RGS22: variants seen among roughly 807,000 people sequenced by gnomAD.
RGS22 encodes the protein regulator of G-protein signaling 22.
RGS22 carries 148 observed loss-of-function variants against 172.9 expected under a neutral mutation model. The observed-to-expected ratio is 0.86, with a 90% confidence interval of 0.75 to 0.98. RGS22 has a LOEUF of 0.98. Ranked by LOEUF, RGS22 falls within the 50% of genes least tolerant of loss-of-function variation. RGS22 has a pLI of 0.00. For synonymous variants in RGS22, 458 were observed against 480.2 expected (o/e 0.95, Z 0.60); for missense variants, 1,347 against 1,440.8 (o/e 0.93, Z 1.05).
Position 100,095,938 on chromosome 8 carries a change from C to T in RGS22, c.55-2429G>A, listed in dbSNP as rs189934719. Among the ~76,000 whole-genome samples the T allele has an allele frequency of 1.2e-3, 176 of 152,308 alleles. 1 individual carries two copies. Among genetic ancestry groups the T allele is most frequent in the Middle Eastern group, 3.4e-3 (1 of 294 alleles). ...GGGAAATAAGTGTTGCCTGCAAGTG[C>T]GATCTGCTCAACCCACATCTGGCAC... On this transcript the variant is annotated intron_variant, in intron 2 of 27. Coordinates refer to ENST00000360863, the MANE Select transcript of RGS22 (RefSeq NM_015668.5).
intron 2 of RGS22, among the ~76,000 whole-genome samples, chr8:100,104,721 G>A (rs1813787246): frequency 6.6e-6 from 1 of 152,184 alleles, no homozygotes; most frequent in Non-Finnish European, 1.5e-5. Flanking sequence ...AGTGCTGGAA[G>A]ACATAAATAA....
At position 100,014,004 on chromosome 8, in the gene RGS22, C is replaced by T. The variant is rs151256719; in HGVS notation, c.2167-5435G>A. Among the ~76,000 whole-genome samples, 371 of 152,290 alleles carry T rather than the reference C, an allele frequency of 2.4e-3. 1 individual carries two copies. Among genetic ancestry groups the T allele is most frequent in the African/African-American group, 8.6e-3 (358 of 41,552 alleles). Reference sequence around the variant, plus strand: ...TGCTTATTTCTAATCAATGCCATTTCCCATTTTAAAACTGCCATCCTCTTT... The same window carrying T: ...TGCTTATTTCTAATCAATGCCATTTTCCATTTTAAAACTGCCATCCTCTTT... On this transcript the variant is annotated intron_variant, in intron 14 of 27. Transcript: ENST00000360863.
chr8:99,996,577 C>A (rs770492628), intron 19 of RGS22, 47 bp from the exon 20 acceptor site: 4 of 1,459,984 alleles, frequency 2.7e-6, no homozygotes, highest in Middle Eastern at 3.5e-4. Flanking sequence ...AGACTAAAGG[C>A]TTGAAATCAT....
Position 100,063,781 on chromosome 8 carries a change from C to CT in RGS22, c.986dup (p.Gln330AlafsTer25). ...CTCCAACTGGCTTTCCAACAATTTG[C>CT]TGAATTGCTCCTCTCAAAATAAAGT... On this transcript the variant is annotated frameshift_variant, in exon 8 of 28. Transcript: ENST00000360863. LOFTEE classifies it high-confidence loss of function. 1 of 1,614,042 alleles carries CT rather than the reference C, an allele frequency of 6.2e-7. No individual in the cohort carries two copies. Among genetic ancestry groups the CT allele is most frequent in the Non-Finnish European group, 8.5e-7 (1 of 1,179,996 alleles).
chr8:100,100,267 T>A (rs3133664), intron 2 of RGS22, among the ~76,000 whole-genome samples: 24,434 of 151,438 alleles, frequency 0.16, 2,641 homozygotes, highest in African/African-American at 0.3. Flanking sequence ...TATCCTATAT[T>A]TTTAAAGTTT....
At chr8:100,015,431 C>T (rs1169036323) in intron 14 of RGS22, among the ~76,000 whole-genome samples, 4 of 151,906 alleles carry the variant, frequency 2.6e-5, no homozygotes, top group Non-Finnish European at 5.9e-5. Context: ...TAGCTGGGAC[C>T]ACAGGCATTC....
At chr8:99,993,479 A>G (rs115023178) in intron 20 of RGS22, among the ~76,000 whole-genome samples, 1,808 of 152,326 alleles carry the variant, frequency 0.012, 33 homozygotes, top group African/African-American at 0.041. Context: ...AGAGAATACT[A>G]TAAACAACTC....
At chr8:100,104,528 G>C (rs1462615147) in intron 2 of RGS22, among the ~76,000 whole-genome samples, 1 of 152,034 alleles carries the variant, frequency 6.6e-6, no homozygotes, top group Admixed American at 6.6e-5. Flanking sequence ...GCTCTGGAAA[G>C]GTGAATGTGA....
intron 2 of RGS22, among the ~76,000 whole-genome samples, chr8:100,100,793 A>G (rs1215863169): frequency 6.6e-6 from 1 of 152,252 alleles, no homozygotes; most frequent in African/African-American, 2.4e-5. Flanking sequence ...GTTAAAAATG[A>G]ATACCACTTT....
chr8:99,976,209 A>G (rs1811913282), intron 23 of RGS22, among the ~76,000 whole-genome samples: 1 of 152,186 alleles, frequency 6.6e-6, no homozygotes, highest in Admixed American at 6.5e-5. Flanking sequence ...AATAAAAAAA[A>G]TAAAAATAAA....
At chr8:100,023,813 G>T (rs1469862347) in intron 14 of RGS22, among the ~76,000 whole-genome samples, 1 of 152,108 alleles carries the variant, frequency 6.6e-6, no homozygotes, top group Non-Finnish European at 1.5e-5. Context: ...TCTCTAGTCA[G>T]CTGCTCATAT....
At position 100,004,023 on chromosome 8, in the gene RGS22, C is replaced by T. The variant is rs146190924; in HGVS notation, c.2530G>A (p.Val844Ile). 1,043 of 1,612,514 alleles carry T rather than the reference C, an allele frequency of 6.5e-4. 13 individuals are homozygous for T. The East Asian group carries it at 0.014, about 21-fold the overall frequency. The change falls in exon 17 of 28, where the codon GTT (valine) becomes ATT (isoleucine). Residue 844 changes from valine (V) to isoleucine (I), a missense_variant. Coordinates refer to ENST00000360863, the MANE Select transcript of RGS22 (RefSeq NM_015668.5). Reference sequence around the variant, plus strand: ...TTAAAATGCTTGTATTCTGCAGGAACATTATCCCAATATTCTGTTCGTTTA... The same window carrying T: ...TTAAAATGCTTGTATTCTGCAGGAATATTATCCCAATATTCTGTTCGTTTA... ...VSKRTEYWDN[V>I]PAEYKHFKFS... is the part of the protein sequence containing the mutation.
chr8:100,020,821 C>G (rs749972680), intron 14 of RGS22, among the ~76,000 whole-genome samples: 1 of 152,164 alleles, frequency 6.6e-6, no homozygotes, highest in Non-Finnish European at 1.5e-5. Context: ...CTCATTACTT[C>G]TTGTTGATTT....
chr8:100,097,594 C>T (rs1183132932), intron 2 of RGS22, among the ~76,000 whole-genome samples: 3 of 152,152 alleles, frequency 2.0e-5, no homozygotes, highest in East Asian at 3.8e-4. Context: ...TGGAGGAGGG[C>T]TTTATGTACA....
intron 7 of RGS22, among the ~76,000 whole-genome samples, chr8:100,064,948 G>T (rs146634679): frequency 6.6e-6 from 1 of 152,178 alleles, no homozygotes; most frequent in East Asian, 1.9e-4. Flanking sequence ...GGTTTACAAA[G>T]GGATTATTTG....
chr8:100,035,493 T>G (rs949337322), intron 14 of RGS22, among the ~76,000 whole-genome samples: 12 of 152,078 alleles, frequency 7.9e-5, no homozygotes, highest in Non-Finnish European at 1.5e-4. Context: ...GAAATAGAAA[T>G]GCTTTTACAC....
rs562524079 is a variant in RGS22 at position 100,026,304 on chromosome 8, C to T, written c.2166+12627G>A. 3.9e-5 allele frequency among the ~76,000 whole-genome samples: 6 copies of T among 152,248 alleles called. No homozygotes were observed. In the East Asian group the frequency reaches 5.8e-4, roughly 15 times the overall value. ...AATGACCTAGGGCCAGAGAGGATAACGATAGCAATAAATAATTACTGAATA... is the reference window on the plus strand; with the variant it reads ...AATGACCTAGGGCCAGAGAGGATAATGATAGCAATAAATAATTACTGAATA... On this transcript the variant is annotated intron_variant, in intron 14 of 27. Coordinates refer to ENST00000360863, the MANE Select transcript of RGS22 (RefSeq NM_015668.5).
chr8:100,082,544 C>T (rs1586239302), intron 3 of RGS22, among the ~76,000 whole-genome samples: 1 of 152,162 alleles, frequency 6.6e-6, no homozygotes, highest in Non-Finnish European at 1.5e-5. Flanking sequence ...ACTTTAAAAG[C>T]CCTCTCTTGA....
At chr8:100,075,317 T>C (rs1563704586) in intron 4 of RGS22, among the ~76,000 whole-genome samples, 2 of 152,138 alleles carry the variant, frequency 1.3e-5, no homozygotes, top group African/African-American at 4.8e-5. Flanking sequence ...AGGTGAGACC[T>C]GGTTGTTTAA....
Sources: allele counts gnomAD v4.1 joint callset (sites outside exome capture counted in the v4.1 genomes callset), GRCh38; gene constraint gnomAD v4.1.1; transcripts MANE v1.5; gene names NCBI Gene and HGNC (gene_info 2026-07-23, HGNC 2026-07-21).